GSE1: variants seen among roughly 807,000 people sequenced by gnomAD.
The protein encoded by GSE1 is genetic suppressor element 1.
Under a neutral mutation model 112.6 loss-of-function variants are expected in GSE1, and 32 were observed. The observed-to-expected ratio is 0.28, with a 90% confidence interval of 0.21 to 0.38. GSE1 has a LOEUF of 0.38. GSE1 is among the 10% of genes least tolerant of loss of function. The pLI, the probability that GSE1 is intolerant of heterozygous loss-of-function variation, is 1.00. For missense variants in GSE1, 2,348 were observed against 1,699.2 expected (o/e 1.38, Z -6.71); for synonymous variants, 1,115 against 735.6 (o/e 1.52, Z -8.35).
chr16:85,517,530 G>A (rs2051991345), intron 2 of GSE1, among the ~76,000 whole-genome samples: 1 of 152,202 alleles, frequency 6.6e-6, no homozygotes, highest in Non-Finnish European at 1.5e-5. Context: ...GCCTTGTGCT[G>A]AAGCGGTTTG....
intron 1 of GSE1, among the ~76,000 whole-genome samples, chr16:85,633,484 C>T (rs969170693): frequency 5.9e-5 from 9 of 152,362 alleles, no homozygotes; most frequent in African/African-American, 1.7e-4. Flanking sequence ...TTCCCGTCGT[C>T]CCTGGGCCTC....
At position 85,183,972 on chromosome 16, in the gene GSE1, C is replaced by T. The variant is rs866234874; in HGVS notation, c.2283+12165C>T. Among the ~76,000 whole-genome samples, 9 of 152,180 alleles carry T rather than the reference C, an allele frequency of 5.9e-5. No homozygotes were observed. The East Asian group carries it at 9.6e-4, about 16-fold the overall frequency. On this transcript the variant is annotated intron_variant, in intron 1 of 2. Coordinates refer to the GSE1 transcript ENST00000637419. ...ACAGACCAAGCTCCCAGTAAAAACTCGGTAATTGTTCATATTTGTTTCTGT... is the reference window on the plus strand; with the variant it reads ...ACAGACCAAGCTCCCAGTAAAAACTTGGTAATTGTTCATATTTGTTTCTGT...
chr16:85,516,860 T>G (rs202108632), intron 2 of GSE1, among the ~76,000 whole-genome samples: 12 of 149,088 alleles, frequency 8.0e-5, no homozygotes, highest in African/African-American at 2.0e-4. Context: ...TGCAGTGGCG[T>G]GATCTCCACT....
chr16:85,276,638 G>T (rs1268050899), intron 1 of GSE1, among the ~76,000 whole-genome samples: 1 of 152,242 alleles, frequency 6.6e-6, no homozygotes, highest in Non-Finnish European at 1.5e-5. Flanking sequence ...GAGGCAAGTG[G>T]CCGGGAAGGG....
At chr16:85,216,281 G>A (rs2075305658) in intron 1 of GSE1, among the ~76,000 whole-genome samples, 1 of 152,176 alleles carries the variant, frequency 6.6e-6, no homozygotes, top group Non-Finnish European at 1.5e-5. Context: ...GTGTGCACCT[G>A]TAGTCCCAGC....
chr16:85,650,522 G>A (rs745624917), intron 3 of GSE1, among the ~76,000 whole-genome samples: 18 of 152,198 alleles, frequency 1.2e-4, no homozygotes, highest in Non-Finnish European at 2.2e-4. Context: ...GGATTCCAGC[G>A]CCTTTTCCGG....
At chr16:85,595,471 G>A (rs1320675123) in intron 1 of GSE1, 1 of 152,234 alleles carries the variant, frequency 6.6e-6, no homozygotes, top group Non-Finnish European at 1.5e-5. Context: ...CCTCAGGGCA[G>A]ATAGCTGGCT....
rs955451663 is a variant in GSE1 at position 85,397,989 on chromosome 16, T to G, written c.2464+40346T>G. ...TTAGTTCCGAATCGTGGGGGTGGGG[T>G]TGGGGGTGGGGGCTGCAGACCTTGG... On this transcript the variant is annotated intron_variant, in intron 2 of 2. Coordinates refer to the GSE1 transcript ENST00000637419. Among the ~76,000 whole-genome samples, 13 of 142,498 alleles carry G rather than the reference T, an allele frequency of 9.1e-5. No homozygotes were observed. In the East Asian group the frequency reaches 1.7e-3, roughly 19 times the overall value. 93.5% of individuals were successfully genotyped at this position (142,498 alleles called of 152,430 possible).
At chr16:85,388,284 ATGGG>A (rs1473556061) in intron 2 of GSE1, among the ~76,000 whole-genome samples, 1 of 103,976 alleles carries the variant, frequency 9.6e-6, no homozygotes, top group Non-Finnish European at 1.8e-5. Flanking sequence ...GGGTGAGTGG[ATGGG>A]TGGGTGGATG....
intron 1 of GSE1, among the ~76,000 whole-genome samples, chr16:85,291,991 G>T (rs2045228929): frequency 6.6e-6 from 1 of 152,222 alleles, no homozygotes; most frequent in Non-Finnish European, 1.5e-5. Context: ...AGGAGGCAGA[G>T]AGGTGATCAG....
intron 2 of GSE1, among the ~76,000 whole-genome samples, chr16:85,439,269 C>A (rs553755329): frequency 6.6e-6 from 1 of 152,348 alleles, no homozygotes; most frequent in South Asian, 2.1e-4. Context: ...CCAGGAGGCA[C>A]CAAGAATGAG....
At chr16:85,478,153 C>T (rs1224576310) in intron 2 of GSE1, among the ~76,000 whole-genome samples, 2 of 152,166 alleles carry the variant, frequency 1.3e-5, no homozygotes, top group East Asian at 1.9e-4. Context: ...CAGCTTCTTC[C>T]AGGAAGCATT....
chr16:85,360,202 T>C (rs897563727), intron 2 of GSE1, among the ~76,000 whole-genome samples: 4 of 151,928 alleles, frequency 2.6e-5, no homozygotes, highest in Admixed American at 6.6e-5. Flanking sequence ...CCTTGTCTCA[T>C]CAGCAGGTCC....
chr16:85,647,346 G>A (rs1450276727), intron 2 of GSE1, among the ~76,000 whole-genome samples: 1 of 152,192 alleles, frequency 6.6e-6, no homozygotes, highest in East Asian at 1.9e-4. Flanking sequence ...CTGAGGCGAC[G>A]GGCGAGTTCC....
chr16:85,595,609 C>T (rs1002894276), intron 1 of GSE1: 14 of 152,194 alleles, frequency 9.2e-5, no homozygotes, highest in African/African-American at 3.1e-4. Flanking sequence ...CAGATCTTTT[C>T]TGTGTTTTAA....
intron 2 of GSE1, among the ~76,000 whole-genome samples, chr16:85,388,702 G>A (rs1016886554): frequency 6.6e-6 from 1 of 152,084 alleles, no homozygotes; most frequent in African/African-American, 2.4e-5. Context: ...GTAGATGGAT[G>A]GATGGGTGGA....
At chr16:85,201,224 C>G (rs1567606997) in intron 1 of GSE1, among the ~76,000 whole-genome samples, 1 of 152,102 alleles carries the variant, frequency 6.6e-6, no homozygotes. Context: ...AGGCAGGTGC[C>G]ACCACACCCA....
At chr16:85,502,593 G>T (rs1235372899) in intron 2 of GSE1, among the ~76,000 whole-genome samples, 4 of 152,256 alleles carry the variant, frequency 2.6e-5, no homozygotes, top group African/African-American at 9.6e-5. Flanking sequence ...TTCTTGGTCT[G>T]TGTCTGCCAT....
chr16:85,448,451 G>T (rs1292932690), intron 2 of GSE1, among the ~76,000 whole-genome samples: 1 of 152,214 alleles, frequency 6.6e-6, no homozygotes, highest in East Asian at 1.9e-4. Flanking sequence ...CTTGCTGAGT[G>T]CCTACTGTGT....
Sources: gnomAD v4.1 joint callset for allele counts (sites outside exome capture counted in the v4.1 genomes callset) on GRCh38, gnomAD v4.1.1 for gene constraint, MANE v1.5 for transcripts, NCBI Gene and HGNC (gene_info 2026-07-23, HGNC 2026-07-21) for gene names.